The following ANKRD50 variants were observed in gnomAD, a reference collection of about 807,000 sequenced individuals.
The protein encoded by ANKRD50 is ankyrin repeat domain 50.
A neutral mutation model predicts 112.0 loss-of-function variants in ANKRD50; 40 were observed. The ratio of observed to expected loss-of-function variants is 0.36; its 90% CI spans 0.28 to 0.46. The LOEUF (loss-of-function observed/expected upper bound fraction) is 0.46. Among genes scored for constraint, ANKRD50 ranks in the 20% least tolerant of loss-of-function variants. The pLI, the probability that ANKRD50 is intolerant of heterozygous loss-of-function variation, is 1.00. For missense variants in ANKRD50, 1,487 were observed against 1,701.7 expected (o/e 0.87, Z 2.22); for synonymous variants, 613 against 619.1 (o/e 0.99, Z 0.15).
Position 124,671,941 on chromosome 4 carries a change from T to G in ANKRD50, c.1336A>C (p.Asn446His). The G allele has an allele frequency of 6.2e-7, 1 of 1,613,910 alleles. No individual in the cohort carries two copies. Reference sequence around the variant, plus strand: ...TCTTGTGCTTCCAATGGTGTTAAATTCTTGGCTTGACAGGTATAACTCATA... The same window carrying G: ...TCTTGTGCTTCCAATGGTGTTAAATGCTTGGCTTGACAGGTATAACTCATA... ...LAMSYTCQAK[N>H]LTPLEAQEFA... Residue 446 changes from asparagine to histidine, a missense_variant, in exon 4 of 5, where the codon AAT becomes CAT. Physicochemically the swap from Asn to His is moderately conservative, Grantham distance 68. This residue lies in a region of ANKRD50 where 1,046 missense variants were observed against 1,269.5 expected (regional missense o/e 0.82). Transcript: ENST00000504087.
At chr4:124,693,444 G>T (rs74487717) in intron 2 of ANKRD50, among the ~76,000 whole-genome samples, 138 of 152,038 alleles carry the variant, frequency 9.1e-4, no homozygotes, top group African/African-American at 3.1e-3. Context: ...AATATCAAGG[G>T]TCTAATTACC....
At chr4:124,694,109 G>GA (rs1462273620) in intron 2 of ANKRD50, among the ~76,000 whole-genome samples, 6 of 152,044 alleles carry the variant, frequency 3.9e-5, no homozygotes, top group South Asian at 2.1e-4. Flanking sequence ...AGTGGAACAG[G>GA]AAAAAACAAC....
chr4:124,673,880 A>G (rs1227952649), intron 3 of ANKRD50, among the ~76,000 whole-genome samples: 1 of 152,108 alleles, frequency 6.6e-6, no homozygotes, highest in African/African-American at 2.4e-5. Flanking sequence ...CTATATAAAA[A>G]TAGAATCTAA....
At chr4:124,703,009 A>C (rs1041900893) in intron 2 of ANKRD50, among the ~76,000 whole-genome samples, 3 of 151,992 alleles carry the variant, frequency 2.0e-5, no homozygotes, top group African/African-American at 7.2e-5. Flanking sequence ...ATTGCTAATA[A>C]GATAGCAATC....
At chr4:124,688,343 T>C (rs907759468) in intron 2 of ANKRD50, among the ~76,000 whole-genome samples, 2 of 152,092 alleles carry the variant, frequency 1.3e-5, no homozygotes, top group East Asian at 1.9e-4. Flanking sequence ...TTTACATCAG[T>C]GGTTGCCATA....
At chr4:124,707,782 T>C (rs181936778) in intron 2 of ANKRD50, among the ~76,000 whole-genome samples, 1 of 152,234 alleles carries the variant, frequency 6.6e-6, no homozygotes, top group Non-Finnish European at 1.5e-5. Flanking sequence ...ACAGCTCTAA[T>C]TGCTTCTTCT....
At position 124,688,524 on chromosome 4, in the gene ANKRD50, C is replaced by T. The variant is rs142408320; in HGVS notation, c.513-9619G>A. ...TTTACTGTATGAAAAATGAAAATAACGCAAAATTATTACTTGTTAACGTTT... is the reference window on the plus strand; with the variant it reads ...TTTACTGTATGAAAAATGAAAATAATGCAAAATTATTACTTGTTAACGTTT... On this transcript the variant is annotated intron_variant, in intron 2 of 4. Coordinates refer to ENST00000504087, the MANE Select transcript of ANKRD50 (RefSeq NM_020337.3). 3.5e-4 allele frequency among the ~76,000 whole-genome samples: 53 copies of T among 152,180 alleles called. 1 individual carries two copies. The South Asian group carries it at 8.3e-3, about 24-fold the overall frequency.
intron 2 of ANKRD50, among the ~76,000 whole-genome samples, chr4:124,698,007 A>G (rs568980586): frequency 7.9e-5 from 12 of 152,218 alleles, no homozygotes; most frequent in Non-Finnish European, 1.6e-4. Flanking sequence ...TAGTAAATAT[A>G]GACAGAATTT....
chr4:124,687,629 C>CT (rs1461872484), intron 2 of ANKRD50, among the ~76,000 whole-genome samples: 1 of 152,118 alleles, frequency 6.6e-6, no homozygotes, highest in South Asian at 2.1e-4. Flanking sequence ...AAATTTCTGA[C>CT]TAAGGCTCAT....
chr4:124,679,062 TACA>T (rs1283047949), intron 2 of ANKRD50, among the ~76,000 whole-genome samples, 157 bp from the exon 3 acceptor site: 7 of 152,196 alleles, frequency 4.6e-5, no homozygotes, highest in African/African-American at 1.7e-4. Context: ...TTACTTTAAG[TACA>T]ACATTGGTCC....
chr4:124,664,160 G>C lies in ANKRD50; in HGVS notation c.*3358C>G, dbSNP rs1441874837. The C allele has an allele frequency of 6.6e-6, 1 of 151,808 alleles. No individual in the cohort carries two copies. The highest frequency in any genetic ancestry group is 2.4e-5 in the African/African-American group (1 of 41,340). 9.4% of individuals were successfully genotyped at this position (151,808 alleles called of 1,614,324 possible). A position where few individuals can be genotyped will look rare whatever the true frequency, so the allele number is the denominator to read the frequency against. ...GCCATAATATTCTGATGATCAAGGA[G>C]CACACATATACAAAAGTTATTGGAT... is the stretch of plus-strand genomic sequence containing the variant. On this transcript the variant is annotated 3_prime_UTR_variant, in exon 5 of 5. Coordinates refer to ENST00000504087, the MANE Select transcript of ANKRD50 (RefSeq NM_020337.3).
chr4:124,691,474 GGGCGA>G (rs1331163314), intron 2 of ANKRD50, among the ~76,000 whole-genome samples: 2 of 140,852 alleles, frequency 1.4e-5, no homozygotes, highest in Non-Finnish European at 3.0e-5. Context: ...AGTCCGGCCT[GGGCGA>G]CAGAGCGAGA....
intron 2 of ANKRD50, among the ~76,000 whole-genome samples, chr4:124,686,687 A>G (rs1725014574): frequency 1.3e-5 from 2 of 152,172 alleles, no homozygotes; most frequent in African/African-American, 4.8e-5. Context: ...TTAATCAGAA[A>G]AACAGAAAAT....
At chr4:124,701,992 C>T (rs967459235) in intron 2 of ANKRD50, among the ~76,000 whole-genome samples, 2 of 152,128 alleles carry the variant, frequency 1.3e-5, no homozygotes, top group Non-Finnish European at 2.9e-5. Context: ...CATATGTCTA[C>T]TGTTCATATA....
intron 2 of ANKRD50, among the ~76,000 whole-genome samples, chr4:124,694,509 T>C (rs1404100791): frequency 6.6e-6 from 1 of 152,116 alleles, no homozygotes; most frequent in African/African-American, 2.4e-5. Flanking sequence ...GGAATACAAG[T>C]TCTCCCACTT....
intron 2 of ANKRD50, among the ~76,000 whole-genome samples, chr4:124,688,645 G>A (rs987291095): frequency 2.0e-5 from 3 of 152,036 alleles, no homozygotes; most frequent in Non-Finnish European, 2.9e-5. Flanking sequence ...GCAATATTGA[G>A]CAAGTCACTG....
chr4:124,670,431 G>A lies in ANKRD50; in HGVS notation c.2846C>T (p.Thr949Ile). Residue 949 changes from threonine to isoleucine, a missense_variant, in exon 4 of 5, where the codon ACA becomes ATA. Physicochemically the swap from Thr to Ile is moderately conservative, Grantham distance 89 (BLOSUM62 -1). Around this residue, in one of 2 missense-constraint regions of ANKRD50, gnomAD observed 1,046 missense variants for 1,269.5 expected, o/e 0.82. Transcript: ENST00000504087. ...VNCKDADGRP[T>I]LYILALENQL... ...ATTTTCTAAGGCCAAGATATAAAGT[G>A]TAGGCCGACCATCAGCATCTTTGCA... The A allele has an allele frequency of 6.2e-7, 1 of 1,613,878 alleles. No individual in the cohort carries two copies. The highest frequency in any genetic ancestry group is 8.5e-7 in the Non-Finnish European group (1 of 1,179,898).
chr4:124,671,481 C>A lies in ANKRD50; in HGVS notation c.1796G>T (p.Gly599Val). 1.2e-6 allele frequency: 2 copies of A among 1,613,716 alleles called. No individual in the cohort carries two copies. Among genetic ancestry groups the A allele is most frequent in the South Asian group, 1.1e-5 (1 of 91,074 alleles). ...GHTKVVNCLI[G>V]CGANINHTDQ... ...AGTATGATTAATATTTGCTCCACAC[C>A]CAATCAAACAATTAACCACCTTGGT... The change falls in exon 4 of 5, where the codon GGG becomes GTG. Residue 599 changes from glycine (G) to valine (V), a missense_variant. This residue lies in a region of ANKRD50 where 1,046 missense variants were observed against 1,269.5 expected (regional missense o/e 0.82). Transcript: ENST00000504087.
In ANKRD50 at chr4:124,664,965, GAATGTTATAAA is replaced by G. The variant is rs1262978887; in HGVS notation, c.*2542_*2552del. The G allele has an allele frequency of 6.6e-6, 1 of 151,816 alleles. No individual in the cohort carries two copies. Among genetic ancestry groups the G allele is most frequent in the African/African-American group, 2.4e-5 (1 of 41,376 alleles). 9.4% of individuals were successfully genotyped at this position (151,816 alleles called of 1,614,324 possible). A position where few individuals can be genotyped will look rare whatever the true frequency, so the allele number is the denominator to read the frequency against. On this transcript the variant is annotated 3_prime_UTR_variant, in exon 5 of 5. Transcript: ENST00000504087. ...GATATTTAGGGAATAGACACAGACG[GAATGTTATAAA>G]AATGTTATAAGCACATGCCATCATA...
Sources: gnomAD v4.1 joint callset for allele counts (sites outside exome capture counted in the v4.1 genomes callset) on GRCh38, gnomAD v4.1.1 for gene constraint, gnomAD v4.1.1 regional missense constraint, MANE v1.5 for transcripts, NCBI Gene and HGNC (gene_info 2026-07-23, HGNC 2026-07-21) for gene names.